The following NAV3 variants were observed in gnomAD, a reference collection of about 807,000 sequenced individuals.
NAV3 encodes pore membrane and/or filament interacting like protein 1.
In NAV3, 87 loss-of-function variants were observed where a neutral mutation model predicts 244.7. The ratio of observed to expected loss-of-function variants is 0.36; its 90% CI spans 0.30 to 0.42. NAV3 has a LOEUF of 0.42. Ranked by LOEUF, NAV3 falls within the 20% of genes least tolerant of loss-of-function variation. NAV3 has a pLI of 1.00. For synonymous variants in NAV3, 1,126 were observed against 1,042.2 expected, an observed-to-expected ratio of 1.08 and a Z score of -1.55; for missense variants, 2,663 against 2,893.3, an observed-to-expected ratio of 0.92 and a Z score of 1.83.
At chr12:77,748,189 C>G (rs1473452028) in intron 2 of NAV3, among the ~76,000 whole-genome samples, 1 of 152,140 alleles carries the variant, frequency 6.6e-6, no homozygotes, top group Non-Finnish European at 1.5e-5. Flanking sequence ...TCTCCTGCTA[C>G]TGGTGATTTT....
intron 9 of NAV3, among the ~76,000 whole-genome samples, chr12:78,046,115 T>C (rs568500530): frequency 6.6e-6 from 1 of 152,328 alleles, no homozygotes; most frequent in Non-Finnish European, 1.5e-5. Flanking sequence ...TATTTGATTC[T>C]TCTCTATTTT....
At chr12:77,873,878 C>A (rs1005845527) in intron 1 of NAV3, among the ~76,000 whole-genome samples, 1 of 150,140 alleles carries the variant, frequency 6.7e-6, no homozygotes, top group Non-Finnish European at 1.5e-5. Context: ...GCCCAGGGGT[C>A]CCCAACCCCT....
intron 9 of NAV3, among the ~76,000 whole-genome samples, chr12:78,027,246 G>A (rs1878207724): frequency 6.6e-6 from 1 of 151,668 alleles, no homozygotes; most frequent in South Asian, 2.1e-4. Context: ...GACCAGCCTG[G>A]ACAACATAGT....
At chr12:77,994,473 T>G (rs1448843426) in intron 5 of NAV3, among the ~76,000 whole-genome samples, 1 of 152,238 alleles carries the variant, frequency 6.6e-6, no homozygotes, top group African/African-American at 2.4e-5. Flanking sequence ...TCCCTGAAGT[T>G]TCACAGTCAT....
intron 2 of NAV3, among the ~76,000 whole-genome samples, chr12:77,649,225 C>A (rs886792403): frequency 6.6e-6 from 1 of 152,120 alleles, no homozygotes; most frequent in Non-Finnish European, 1.5e-5. Context: ...ATATGGTAGA[C>A]ATACCGCTAA....
intron 2 of NAV3, among the ~76,000 whole-genome samples, chr12:77,820,386 A>G (rs1592711436): frequency 6.6e-6 from 1 of 152,206 alleles, no homozygotes; most frequent in East Asian, 1.9e-4. Context: ...TTCTGGCTGC[A>G]TCTTCATATG....
intron 3 of NAV3, among the ~76,000 whole-genome samples, chr12:77,965,265 T>A (rs1473120332): frequency 2.0e-5 from 3 of 152,208 alleles, no homozygotes; most frequent in South Asian, 2.1e-4. Context: ...TTTATTTTTT[T>A]ATTTTTTTGC....
chr12:78,070,821 T>C (rs1262863505), intron 12 of NAV3, among the ~76,000 whole-genome samples: 17 of 148,938 alleles, frequency 1.1e-4, no homozygotes, highest in African/African-American at 4.0e-4. Context: ...TTTGTTCTTG[T>C]GATAGTTTAC....
intron 1 of NAV3, among the ~76,000 whole-genome samples, chr12:77,911,353 C>A (rs1172447329): frequency 6.6e-6 from 1 of 152,058 alleles, no homozygotes; most frequent in Non-Finnish European, 1.5e-5. Flanking sequence ...GCCAGCATAA[C>A]ATTTTTCCAC....
chr12:78,003,010 T>G (rs1358313018), intron 7 of NAV3, among the ~76,000 whole-genome samples: 2 of 151,378 alleles, frequency 1.3e-5, no homozygotes, highest in African/African-American at 4.8e-5. Flanking sequence ...TTCTCTAAAT[T>G]GTACAACTCT....
chr12:78,003,695 T>TTACATCCATG (rs1166118732), intron 7 of NAV3, among the ~76,000 whole-genome samples: 1 of 152,328 alleles, frequency 6.6e-6, no homozygotes, highest in Non-Finnish European at 1.5e-5. Flanking sequence ...ACTGCCACAT[T>TTACATCCATG]TACATCCATG....
chr12:77,643,553 A>G (rs964647128), intron 2 of NAV3, among the ~76,000 whole-genome samples: 1 of 151,758 alleles, frequency 6.6e-6, no homozygotes, highest in African/African-American at 2.4e-5. Flanking sequence ...GCAAAATTCT[A>G]ATGGTATAGT....
intron 2 of NAV3, among the ~76,000 whole-genome samples, chr12:77,781,607 C>T (rs1021657371): frequency 6.6e-6 from 1 of 152,104 alleles, no homozygotes; most frequent in African/African-American, 2.4e-5. Flanking sequence ...ATGTATAAAA[C>T]CAAGATGTAC....
chr12:77,763,887 T>C (rs1869613825), intron 2 of NAV3, among the ~76,000 whole-genome samples: 1 of 152,152 alleles, frequency 6.6e-6, no homozygotes. Flanking sequence ...CAGATAGTAC[T>C]ACAGATTTTG....
intron 2 of NAV3, among the ~76,000 whole-genome samples, chr12:77,715,878 G>A (rs139639256): frequency 1.4e-3 from 206 of 152,124 alleles, no homozygotes; most frequent in Admixed American, 2.5e-3. Context: ...CATCATGAGA[G>A]CATGGGGTCT....
chr12:78,106,697 C>T (rs1260100120), intron 12 of NAV3, among the ~76,000 whole-genome samples: 2 of 152,146 alleles, frequency 1.3e-5, no homozygotes, highest in Non-Finnish European at 2.9e-5. Flanking sequence ...CAGAGAAACT[C>T]CTCACACCTG....
At chr12:77,719,268 TAC>T (rs1473247135) in intron 2 of NAV3, among the ~76,000 whole-genome samples, 1 of 152,182 alleles carries the variant, frequency 6.6e-6, no homozygotes, top group Non-Finnish European at 1.5e-5. Context: ...CAGATAGTTT[TAC>T]TTTTCCTTTA....
chr12:77,849,985 G>T (rs1475437890), intron 1 of NAV3, among the ~76,000 whole-genome samples: 67 of 152,116 alleles, frequency 4.4e-4, no homozygotes, highest in Admixed American at 4.4e-3. Context: ...CAAAGCCATG[G>T]CATTTTAAAA....
In NAV3 at chr12:78,210,547, T is replaced by C. The variant is rs760525904; in HGVS notation, c.*30T>C. On this transcript the variant is annotated 3_prime_UTR_variant, in exon 40 of 40. Coordinates refer to ENST00000397909, the MANE Select transcript of NAV3 (RefSeq NM_001024383.2). Reference sequence around the variant, plus strand: ...TGAAAAAAGTTAAGGGAAAAGACTTTGCTTTTAAAAAAATGTTTCAAAAGA... The same window carrying C: ...TGAAAAAAGTTAAGGGAAAAGACTTCGCTTTTAAAAAAATGTTTCAAAAGA... The C allele has an allele frequency of 8.1e-6, 13 of 1,600,586 alleles. No individual in the cohort carries two copies. Among genetic ancestry groups the C allele is most frequent in the South Asian group, 2.3e-5 (2 of 88,700 alleles).
Sources: allele counts gnomAD v4.1 joint callset (sites outside exome capture counted in the v4.1 genomes callset), GRCh38; gene constraint gnomAD v4.1.1; transcripts MANE v1.5; gene names NCBI Gene and HGNC (gene_info 2026-07-23, HGNC 2026-07-21).